Variants in CUL2 observed in about 807,000 individuals in gnomAD.
The protein encoded by CUL2 is cullin-2.
In CUL2, 22 loss-of-function variants were observed where a neutral mutation model predicts 110.2. The ratio of observed to expected loss-of-function variants is 0.20; its 90% CI spans 0.14 to 0.28. CUL2 has a LOEUF of 0.28. Ranked by LOEUF, CUL2 falls within the 10% of genes least tolerant of loss-of-function variation. The probability of loss-of-function intolerance (pLI) is 1.00; values close to 1 mark genes in which losing one functional copy is unlikely to be tolerated. For missense variants in CUL2, 631 were observed against 905.5 expected, an observed-to-expected ratio of 0.70 and a Z score of 3.89; for synonymous variants, 279 against 293.2, an observed-to-expected ratio of 0.95 and a Z score of 0.49.
intron 1 of CUL2, chr10:35,079,500 CT>C (rs1436660494): frequency 1.3e-5 from 2 of 152,658 alleles, no homozygotes; most frequent in African/African-American, 4.8e-5. Context: ...GAACTTGTCT[CT>C]GCTCATGTCT....
chr10:35,111,074 T>A (rs1422281672), intron 1 of CUL2, among the ~76,000 whole-genome samples: 1 of 152,170 alleles, frequency 6.6e-6, no homozygotes, highest in East Asian at 1.9e-4. Flanking sequence ...AAAAGTAGCA[T>A]GCATGGGTTT....
chr10:35,105,763 T>C (rs2087447290), intron 1 of CUL2, among the ~76,000 whole-genome samples: 1 of 149,238 alleles, frequency 6.7e-6, no homozygotes, highest in African/African-American at 2.5e-5. Context: ...GGGAATATAA[T>C]TAATGTTCAA....
At chr10:35,028,267 G>C (rs1260752150) in intron 16 of CUL2, among the ~76,000 whole-genome samples, 1 of 152,180 alleles carries the variant, frequency 6.6e-6, no homozygotes, top group African/African-American at 2.4e-5. Context: ...TATTCTGAAA[G>C]TCTATCATGC....
At position 35,105,629 on chromosome 10, in the gene CUL2, C is replaced by T. The variant is rs201844081; in HGVS notation, c.-50-4569G>A. On this transcript the variant is annotated intron_variant, in intron 1 of 5. Transcript: ENST00000685421. ...AGGCTAAGGCAGGAGAATCACTTGA[C>T]CCCGGGAGGCAGAGGTTGCAGTGAG... 8.7e-4 allele frequency among the ~76,000 whole-genome samples: 129 copies of T among 148,744 alleles called. 2 individuals carry two copies. In the South Asian group the frequency reaches 0.026, roughly 30 times the overall value.
intron 2 of CUL2, among the ~76,000 whole-genome samples, chr10:35,069,811 C>T (rs1203194461): frequency 3.3e-5 from 5 of 152,164 alleles, no homozygotes; most frequent in Admixed American, 3.3e-4. Context: ...CCTCTCTGCT[C>T]CTTGTTTTAG....
chr10:35,109,985 G>A (rs1379674645), intron 1 of CUL2, among the ~76,000 whole-genome samples: 1 of 152,118 alleles, frequency 6.6e-6, no homozygotes. Flanking sequence ...AGCAGCCTGG[G>A]CAACATAGTG....
chr10:35,111,946 C>G (rs2087528603), intron 1 of CUL2, among the ~76,000 whole-genome samples: 1 of 152,174 alleles, frequency 6.6e-6, no homozygotes, highest in South Asian at 2.1e-4. Context: ...AGCCTACTGT[C>G]CAGAGATTGG....
chr10:35,047,867 C>T (rs535024655), intron 6 of CUL2, among the ~76,000 whole-genome samples: 4 of 151,680 alleles, frequency 2.6e-5, no homozygotes, highest in South Asian at 2.1e-4. Flanking sequence ...ATCATGTCAC[C>T]GCACTCCAGC....
chr10:35,123,846 G>C (rs2087707177), intron 1 of CUL2, among the ~76,000 whole-genome samples: 1 of 152,184 alleles, frequency 6.6e-6, no homozygotes, highest in African/African-American at 2.4e-5. Flanking sequence ...TGGAAGCTTT[G>C]GGTATAAATT....
chr10:35,120,023 T>G (rs1238417534), intron 1 of CUL2: 2 of 152,248 alleles, frequency 1.3e-5, no homozygotes, highest in Non-Finnish European at 2.9e-5. Flanking sequence ...TGGCCCCAAT[T>G]TCTTTGCACA....
chr10:35,103,308 ATTTTTTTTTTTTT>A (rs67257350), intron 1 of CUL2, among the ~76,000 whole-genome samples: 2 of 94,546 alleles, frequency 2.1e-5, no homozygotes, highest in Non-Finnish European at 4.1e-5. Context: ...GGCCAAGCTA[ATTTTTTTTTTTTT>A]TTTTTTTTTT....
At position 35,074,304 on chromosome 10, in the gene CUL2, TCTC is replaced by T. The variant is rs1218171610; in HGVS notation, c.-22-2968_-22-2966del. On this transcript the variant is annotated intron_variant, in intron 1 of 20. Transcript: ENST00000374749. The stretch of plus-strand genomic sequence containing the variant: ...ACTGCAACATGGCACCCAAGCTTCC[TCTC>T]CTCCTGGTACTCCCTACTGTGACAT... 4.2e-6 allele frequency: 4 copies of T among 953,200 alleles called. No homozygotes were observed. In the African/African-American group the frequency reaches 4.8e-5, roughly 12 times the overall value. The allele number at this position is 953,200 out of a possible 1,614,324, so 59.0% of individuals were successfully genotyped here.
intron 6 of CUL2, among the ~76,000 whole-genome samples, chr10:35,048,728 G>A (rs376242775): frequency 6.6e-6 from 1 of 152,098 alleles, no homozygotes; most frequent in African/African-American, 2.4e-5. Flanking sequence ...TCACTCAAAC[G>A]GTCAGTGACA....
intron 1 of CUL2, among the ~76,000 whole-genome samples, chr10:35,102,210 G>A (rs1216791399): frequency 6.6e-6 from 1 of 151,234 alleles, no homozygotes; most frequent in African/African-American, 2.4e-5. Context: ...ACTCCAGCCT[G>A]GGTGACAGAG....
chr10:35,102,549 G>C (rs2087396509), intron 1 of CUL2, among the ~76,000 whole-genome samples: 1 of 152,092 alleles, frequency 6.6e-6, no homozygotes, highest in Admixed American at 6.6e-5. Context: ...TCCAGCCTGA[G>C]CAACAGAGCT....
Position 35,025,146 on chromosome 10 carries a change from T to C in CUL2, c.1670A>G (p.His557Arg), listed in dbSNP as rs990909716. The change falls in exon 17 of 21, where the codon CAT becomes CGT. Residue 557 changes from histidine to arginine, a missense_variant. His to Arg is a conservative substitution (Grantham distance 29). Around this residue, in one of 3 missense-constraint regions of CUL2, gnomAD observed 134 missense variants for 260.4 expected, o/e 0.51. Coordinates refer to ENST00000374749, the MANE Select transcript of CUL2 (RefSeq NM_003591.4). ...HFSGRKLTWL[H>R]YLCTGEVKMN... Reference sequence around the variant, plus strand: ...ATGCATTTTACCTGTACACAGATAATGTAACCATGTAAGTTTCCTTCCACT... The same window carrying C: ...ATGCATTTTACCTGTACACAGATAACGTAACCATGTAAGTTTCCTTCCACT... 32 of 1,573,584 alleles carry C rather than the reference T, an allele frequency of 2.0e-5. No homozygotes were observed. The highest frequency in any genetic ancestry group is 2.7e-5 in the Non-Finnish European group (32 of 1,165,360).
Position 35,098,016 on chromosome 10 carries a change from G to A in CUL2, c.167+2828C>T, listed in dbSNP as rs923450494. On this transcript the variant is annotated intron_variant, in intron 2 of 5. Transcript: ENST00000685421. ...AATAAATAAAAGAACAAAAGTACAA[G>A]GTCTTTAATCGGAAAAGCTCAGAAC... is the stretch of plus-strand genomic sequence containing the variant. 3.9e-5 allele frequency: 6 copies of A among 152,058 alleles called. No individual in the cohort carries two copies. In the South Asian group the frequency reaches 1.2e-3, roughly 32 times the overall value. The allele number at this position is 152,058 out of a possible 1,614,324, so 9.4% of individuals were successfully genotyped here.
chr10:35,070,873 A>G (rs909310924), intron 2 of CUL2, among the ~76,000 whole-genome samples: 1 of 152,164 alleles, frequency 6.6e-6, no homozygotes, highest in African/African-American at 2.4e-5. Context: ...CTCTTCTTGA[A>G]AGCAATGACA....
At chr10:35,107,573 T>A (rs2087474947) in intron 1 of CUL2, among the ~76,000 whole-genome samples, 1 of 150,982 alleles carries the variant, frequency 6.6e-6, no homozygotes, top group Non-Finnish European at 1.5e-5. Context: ...AATTTAACAT[T>A]TATTAATTTT....
Sources: allele counts gnomAD v4.1 joint callset (sites outside exome capture counted in the v4.1 genomes callset), GRCh38; gene constraint gnomAD v4.1.1; regional missense constraint gnomAD v4.1.1; transcripts MANE v1.5; gene names NCBI Gene and HGNC (gene_info 2026-07-23, HGNC 2026-07-21).